The following SYNRG variants were observed in gnomAD, a reference collection of about 807,000 sequenced individuals.
SYNRG encodes the protein synergin gamma, also known as AP1 gamma subunit binding protein 1.
A neutral mutation model predicts 130.9 loss-of-function variants in SYNRG; 37 were observed. The ratio of observed to expected loss-of-function variants is 0.28; its 90% CI spans 0.22 to 0.37. SYNRG has a LOEUF of 0.37. Among genes scored for constraint, SYNRG ranks in the 10% least tolerant of loss-of-function variants. The probability of loss-of-function intolerance (pLI) is 1.00; values close to 1 mark genes in which losing one functional copy is unlikely to be tolerated. For missense variants in SYNRG, 1,338 were observed against 1,588.9 expected (o/e 0.84, Z 2.68); for synonymous variants, 539 against 568.1 (o/e 0.95, Z 0.73).
intron 13 of SYNRG, among the ~76,000 whole-genome samples, chr17:37,560,450 C>T (rs915796749): frequency 2.7e-5 from 4 of 150,632 alleles, no homozygotes; most frequent in Non-Finnish European, 5.9e-5. Context: ...GATTCTTGTG[C>T]CTCAACCTCC....
At chr17:37,540,629 T>TA in intron 15 of SYNRG, 86 bp from the exon 16 acceptor site, 367 of 1,094,842 alleles carry the variant, frequency 3.4e-4, no homozygotes, top group Non-Finnish European at 4.1e-4. Flanking sequence ...ACAACCCTCT[T>TA]CTTTTTTTTT....
In SYNRG at chr17:37,553,971, T is replaced by C. The variant is rs2058905488; in HGVS notation, c.1752A>G (p.Pro584=). 1 of 1,610,382 alleles carries C rather than the reference T, an allele frequency of 6.2e-7. No homozygotes were observed. The highest frequency in any genetic ancestry group is 8.5e-7 in the Non-Finnish European group (1 of 1,179,326). Residue 584 remains proline (P), a synonymous_variant, in exon 14 of 22, where the codon CCA becomes CCG. Transcript: ENST00000612223. ...GTGGAAAAGTTTTGTCTTTTGTTGG[T>C]GGCTCTAGTGGTGATACACTATCGG... ...KTADSVSPLE[P]PTKDKTFPPS... is the part of the protein sequence containing the mutation.
chr17:37,578,095 G>A (rs1462933769), intron 6 of SYNRG, among the ~76,000 whole-genome samples: 1 of 151,846 alleles, frequency 6.6e-6, no homozygotes, highest in East Asian at 2.0e-4. Context: ...ACTTTGGGAG[G>A]CCAAGGCAGG....
At chr17:37,562,383 A>T (rs1598358884) in intron 11 of SYNRG, among the ~76,000 whole-genome samples, 1 of 150,196 alleles carries the variant, frequency 6.7e-6, no homozygotes, top group Admixed American at 6.6e-5. Flanking sequence ...CTATAAAAGC[A>T]TTACTTTTTC....
At chr17:37,585,655 T>C (rs1255995282) in intron 4 of SYNRG, among the ~76,000 whole-genome samples, 1 of 152,214 alleles carries the variant, frequency 6.6e-6, no homozygotes, top group Non-Finnish European at 1.5e-5. Flanking sequence ...TGTATATGAA[T>C]TTATTTCTCA....
intron 6 of SYNRG, chr17:37,579,407 T>G (rs1431407410): frequency 7.7e-7 from 1 of 1,304,218 alleles, no homozygotes; most frequent in Non-Finnish European, 1.0e-6. Context: ...GGAGACAGTT[T>G]TAGTAGAATG....
intron 1 of SYNRG, among the ~76,000 whole-genome samples, chr17:37,608,318 C>G (rs2063999158): frequency 6.6e-6 from 1 of 152,156 alleles, no homozygotes; most frequent in Non-Finnish European, 1.5e-5. Flanking sequence ...CCTAACACTT[C>G]GTTTTCCAAA....
chr17:37,608,676 G>A (rs562249015), intron 1 of SYNRG, among the ~76,000 whole-genome samples: 1 of 152,302 alleles, frequency 6.6e-6, no homozygotes, highest in South Asian at 2.1e-4. Context: ...AGACAGACAA[G>A]TCTTAAGAGT....
chr17:37,552,374 TCTA>T (rs2058774803), intron 14 of SYNRG, among the ~76,000 whole-genome samples: 1 of 152,144 alleles, frequency 6.6e-6, no homozygotes, highest in African/African-American at 2.4e-5. Flanking sequence ...TACATGTAAA[TCTA>T]CACAGAATTT....
Position 37,585,698 on chromosome 17 carries a change from C to T in SYNRG, c.372-268G>A, listed in dbSNP as rs146904272. Among the ~76,000 whole-genome samples the T allele has an allele frequency of 1.7e-4, 26 of 152,196 alleles. No homozygotes were observed. The East Asian group carries it at 4.4e-3, about 26-fold the overall frequency. ...TGCAAGAGGAGGAAACAAGCTTTTG[C>T]ATATAAAAGTATTCTCGAAAAACAG... is the stretch of plus-strand genomic sequence containing the variant. On this transcript the variant is annotated intron_variant, in intron 4 of 21. Transcript: ENST00000612223.
chr17:37,572,063 T>C, intron 8 of SYNRG, 76 bp from the exon 9 acceptor site: 3 of 1,278,484 alleles, frequency 2.3e-6, no homozygotes, highest in Non-Finnish European at 3.3e-6. Flanking sequence ...ATTGTTGGTA[T>C]ACAAGAATAA....
At chr17:37,605,779 T>C (rs894313567) in intron 1 of SYNRG, 88 of 975,630 alleles carry the variant, frequency 9.0e-5, no homozygotes, top group Non-Finnish European at 1.0e-4. Context: ...CTAATTCTTA[T>C]ATTACTGACA....
intron 21 of SYNRG, 65 bp downstream of exon 21, chr17:37,520,114 C>T: frequency 6.4e-7 from 1 of 1,554,016 alleles, no homozygotes; most frequent in Non-Finnish European, 8.9e-7. Context: ...ATAGAATCAT[C>T]CAATTTGCCC....
At chr17:37,598,374 C>T (rs2062963927) in intron 2 of SYNRG, among the ~76,000 whole-genome samples, 1 of 152,140 alleles carries the variant, frequency 6.6e-6, no homozygotes, top group African/African-American at 2.4e-5. Flanking sequence ...ACACCAAGTA[C>T]AAAGATCACG....
chr17:37,604,710 C>T (rs1598695366), intron 1 of SYNRG, among the ~76,000 whole-genome samples: 1 of 152,180 alleles, frequency 6.6e-6, no homozygotes, highest in Admixed American at 6.5e-5. Context: ...CCTCAGCTTT[C>T]AACACTTAAT....
At chr17:37,599,240 C>T (rs1355902090) in intron 2 of SYNRG, among the ~76,000 whole-genome samples, 1 of 152,134 alleles carries the variant, frequency 6.6e-6, no homozygotes, top group African/African-American at 2.4e-5. Context: ...AAGAAATGAG[C>T]GGAAAGAAGC....
At position 37,515,829 on chromosome 17, in the gene SYNRG, A is replaced by T. The variant is rs929180961; in HGVS notation, c.*3111T>A. 1.3e-5 allele frequency: 2 copies of T among 152,190 alleles called. No homozygotes were observed. The highest frequency in any genetic ancestry group is 2.9e-5 in the Non-Finnish European group (2 of 68,052). The allele number at this position is 152,190 out of a possible 1,614,324, so 9.4% of individuals were successfully genotyped here. ...CTATTTCTGTAACATACAGCCCTAT[A>T]ATCTTTGCAAAGCTGAAGTACACTT... On this transcript the variant is annotated 3_prime_UTR_variant, in exon 22 of 22. Transcript: ENST00000612223.
chr17:37,600,385 T>C lies in SYNRG; in HGVS notation c.96A>G (p.Ala32=), dbSNP rs984389202. 1.2e-6 allele frequency: 2 copies of C among 1,613,346 alleles called. No homozygotes were observed. The highest frequency in any genetic ancestry group is 1.7e-6 in the Non-Finnish European group (2 of 1,179,834). The part of the protein sequence containing the change: ...AGGGGFMFPV[A]GGIRPPQAGL... ...TACCTTGAGGGGGTCTTATCCCACC[T>C]GCAACAGGAAACATGAAGCTGAAAA... The change falls in exon 2 of 22, where the codon GCA becomes GCG. Residue 32 remains alanine (A), a synonymous_variant. Coordinates refer to ENST00000612223, the MANE Select transcript of SYNRG (RefSeq NM_007247.6).
intron 13 of SYNRG, among the ~76,000 whole-genome samples, chr17:37,559,708 T>C (rs1041622032): frequency 6.6e-6 from 1 of 152,158 alleles, no homozygotes; most frequent in Admixed American, 6.5e-5. Flanking sequence ...AAAGACTAGT[T>C]GCTGCCTTTA....
Sources: allele counts gnomAD v4.1 joint callset (sites outside exome capture counted in the v4.1 genomes callset), GRCh38; gene constraint gnomAD v4.1.1; transcripts MANE v1.5; gene names NCBI Gene and HGNC (gene_info 2026-07-23, HGNC 2026-07-21).